Variants in LTBP1 observed in about 807,000 individuals in gnomAD.
LTBP1 encodes latent transforming growth factor beta binding protein 1, also known as latent-transforming growth factor beta-binding protein 1.
Under a neutral mutation model 207.6 loss-of-function variants are expected in LTBP1, and 129 were observed. That is an observed-to-expected ratio of 0.62 (90% CI 0.54 to 0.72). LTBP1 has a LOEUF of 0.72. Ranked by LOEUF, LTBP1 falls within the 30% of genes least tolerant of loss-of-function variation. The pLI is 0.00. For missense variants in LTBP1, 2,281 were observed against 2,217.2 expected, an observed-to-expected ratio of 1.03 and a Z score of -0.58; for synonymous variants, 963 against 833.7, an observed-to-expected ratio of 1.16 and a Z score of -2.67.
chr2:33,336,686 C>T (rs2094557223), intron 24 of LTBP1, among the ~76,000 whole-genome samples: 2 of 152,186 alleles, frequency 1.3e-5, no homozygotes, highest in Admixed American at 6.5e-5. Context: ...ACGGAAAGCT[C>T]ATTAGTGAGC....
At chr2:33,218,719 G>C (rs76308828) in intron 8 of LTBP1, among the ~76,000 whole-genome samples, 3,363 of 152,296 alleles carry the variant, frequency 0.022, 55 homozygotes, top group Middle Eastern at 0.034. Flanking sequence ...TAGAGACAGA[G>C]GTGACTGGGT....
chr2:33,345,966 A>G (rs192167153), intron 25 of LTBP1, among the ~76,000 whole-genome samples: 4 of 152,360 alleles, frequency 2.6e-5, no homozygotes, highest in Admixed American at 1.3e-4. Context: ...GACAACATCA[A>G]ACATAAAATT....
At chr2:33,325,400 G>T (rs1034042163) in intron 24 of LTBP1, among the ~76,000 whole-genome samples, 2 of 152,112 alleles carry the variant, frequency 1.3e-5, no homozygotes, top group African/African-American at 4.8e-5. Context: ...ATGAATCTGG[G>T]GTTTGATATG....
intron 5 of LTBP1, among the ~76,000 whole-genome samples, chr2:33,176,367 A>T (rs1239338030): frequency 6.6e-6 from 1 of 151,988 alleles, no homozygotes; most frequent in Non-Finnish European, 1.5e-5. Flanking sequence ...CTGGGACTAC[A>T]GGCGCCCGCC....
intron 2 of LTBP1, among the ~76,000 whole-genome samples, chr2:32,971,677 C>T (rs1680903198): frequency 6.6e-6 from 1 of 152,102 alleles, no homozygotes. Context: ...TTTTGATGTG[C>T]TGCTGGATTT....
intron 15 of LTBP1, 37 bp from the exon 16 acceptor site, chr2:33,273,619 T>C: frequency 6.5e-7 from 1 of 1,547,976 alleles, no homozygotes; most frequent in Non-Finnish European, 8.8e-7. Flanking sequence ...TGTTCATTTC[T>C]GTGGGTTTTT....
intron 3 of LTBP1, among the ~76,000 whole-genome samples, chr2:33,073,340 A>G (rs1037288639): frequency 1.3e-5 from 2 of 151,068 alleles, no homozygotes; most frequent in African/African-American, 4.9e-5. Flanking sequence ...CTTTGACTAT[A>G]AAGGACTCTG....
chr2:33,365,536 C>G (rs770318762), intron 31 of LTBP1, 33 bp downstream of exon 31: 1 of 1,598,718 alleles, frequency 6.3e-7, no homozygotes, highest in Non-Finnish European at 8.5e-7. Flanking sequence ...CTGCAGGAGG[C>G]CTTTGGGGAC....
intron 18 of LTBP1, among the ~76,000 whole-genome samples, chr2:33,276,438 A>T (rs2093428043): frequency 6.6e-6 from 1 of 152,250 alleles, no homozygotes; most frequent in South Asian, 2.1e-4. Context: ...TGACCACAGC[A>T]ATGAGCTTTC....
chr2:33,198,992 G>A (rs2088890219), intron 7 of LTBP1, among the ~76,000 whole-genome samples: 2 of 152,028 alleles, frequency 1.3e-5, no homozygotes, highest in South Asian at 2.1e-4. Context: ...TGTGATGTTA[G>A]GGTGTCAGTT....
chr2:33,132,474 A>T (rs1259408574), intron 4 of LTBP1, among the ~76,000 whole-genome samples: 1 of 152,224 alleles, frequency 6.6e-6, no homozygotes, highest in Non-Finnish European at 1.5e-5. Flanking sequence ...GCTGCTTTCC[A>T]GCTAAGCGGG....
At chr2:33,381,801 A>G (rs1030040560) in intron 31 of LTBP1, among the ~76,000 whole-genome samples, 1 of 152,182 alleles carries the variant, frequency 6.6e-6, no homozygotes, top group East Asian at 1.9e-4. Flanking sequence ...GCTGGGGAGT[A>G]GAAAGAACAT....
At chr2:33,025,695 A>G (rs2149266806) in intron 3 of LTBP1, among the ~76,000 whole-genome samples, 1 of 152,356 alleles carries the variant, frequency 6.6e-6, no homozygotes. Context: ...GAGGAGAATC[A>G]TGTTAAAGTA....
At chr2:33,103,586 C>CGT (rs71407500) in intron 3 of LTBP1, among the ~76,000 whole-genome samples, 29,868 of 117,934 alleles carry the variant, frequency 0.25, 3,663 homozygotes, top group African/African-American at 0.32. Flanking sequence ...TCTCCGTTTA[C>CGT]GTGTGTGTGT....
chr2:33,356,858 G>C (rs1489112474), intron 26 of LTBP1, among the ~76,000 whole-genome samples: 1 of 152,162 alleles, frequency 6.6e-6, no homozygotes, highest in Admixed American at 6.5e-5. Context: ...GTAATTTACT[G>C]AACATCATCA....
At chr2:33,125,796 C>G (rs1371494860) in intron 4 of LTBP1, among the ~76,000 whole-genome samples, 1 of 149,416 alleles carries the variant, frequency 6.7e-6, no homozygotes, top group Admixed American at 6.7e-5. Context: ...TGCTACTGCA[C>G]TCCAGCCTGG....
chr2:33,012,907 C>T (rs1452225158), intron 2 of LTBP1, among the ~76,000 whole-genome samples: 1 of 152,126 alleles, frequency 6.6e-6, no homozygotes, highest in East Asian at 1.9e-4. Flanking sequence ...AGAGAAGGTG[C>T]TTAAGGAGTG....
intron 10 of LTBP1, among the ~76,000 whole-genome samples, chr2:33,250,787 C>G (rs989205688): frequency 2.6e-5 from 4 of 152,170 alleles, no homozygotes; most frequent in African/African-American, 9.7e-5. Context: ...GAGCACTCCT[C>G]TCAGAGGCCT....
At position 33,272,055 on chromosome 2, in the gene LTBP1, C is replaced by T. The variant is rs1309427760; in HGVS notation, c.2618-1601C>T. Among the ~76,000 whole-genome samples the T allele has an allele frequency of 2.0e-5, 3 of 152,238 alleles. No homozygotes were observed. The South Asian group carries it at 6.2e-4, about 32-fold the overall frequency. On this transcript the variant is annotated intron_variant, in intron 15 of 33. Coordinates refer to ENST00000404816, the MANE Select transcript of LTBP1 (RefSeq NM_206943.4). ...GGGTGTGCATACATTTCTCATACATCCAGGTGACTTTGTGTAAAATGCTGA... is the reference window on the plus strand; with the variant it reads ...GGGTGTGCATACATTTCTCATACATTCAGGTGACTTTGTGTAAAATGCTGA...
Sources: allele counts gnomAD v4.1 joint callset (sites outside exome capture counted in the v4.1 genomes callset), GRCh38; gene constraint gnomAD v4.1.1; transcripts MANE v1.5; gene names NCBI Gene and HGNC (gene_info 2026-07-23, HGNC 2026-07-21).